The following C10orf88 variants were observed in gnomAD, a reference collection of about 807,000 sequenced individuals.
The protein encoded by C10orf88 is chromosome 10 open reading frame 88.
C10orf88 carries 29 observed loss-of-function variants against 34.2 expected under a neutral mutation model. The observed-to-expected ratio is 0.85, with a 90% CI of 0.63 to 1.16. The LOEUF (loss-of-function observed/expected upper bound fraction) is 1.16. Ranked by LOEUF, C10orf88 falls within the 50% of genes most tolerant of loss-of-function variation. C10orf88 has a pLI of 0.00. For synonymous variants in C10orf88, 194 were observed against 197.4 expected, an observed-to-expected ratio of 0.98 and a Z score of 0.15; for missense variants, 507 against 533.2, an observed-to-expected ratio of 0.95 and a Z score of 0.48.
intron 4 of C10orf88, among the ~76,000 whole-genome samples, chr10:122,939,794 C>T (rs973643269): frequency 4.6e-5 from 7 of 151,852 alleles, no homozygotes; most frequent in Non-Finnish European, 1.0e-4. Flanking sequence ...ATTTACACTA[C>T]AGTCAATGTC....
chr10:122,939,459 G>A (rs1848564743), intron 4 of C10orf88, among the ~76,000 whole-genome samples: 1 of 151,830 alleles, frequency 6.6e-6, no homozygotes, highest in Admixed American at 6.6e-5. Context: ...ATAAGGGCCA[G>A]GGAAGCTGGG....
intron 5 of C10orf88, among the ~76,000 whole-genome samples, chr10:122,935,460 T>C (rs1415406062): frequency 1.3e-5 from 2 of 152,060 alleles, no homozygotes; most frequent in Admixed American, 1.3e-4. Context: ...GGTGTACTTG[T>C]GCAGAGTTAT....
In C10orf88 at chr10:122,932,363, T is replaced by C; in HGVS notation, c.*64A>G. 7.7e-7 allele frequency: 1 copy of C among 1,297,316 alleles called. No homozygotes were observed. Among genetic ancestry groups the C allele is most frequent in the Non-Finnish European group, 1.1e-6 (1 of 932,962 alleles). The allele number at this position is 1,297,316 out of a possible 1,614,324, so 80.4% of individuals were successfully genotyped here. On this transcript the variant is annotated 3_prime_UTR_variant, in exon 6 of 6. Coordinates refer to ENST00000481909, the MANE Select transcript of C10orf88 (RefSeq NM_024942.4). ...AAATACTTGCTTTTTATAAATATTT[T>C]TGGGTTTTGGCTTTGTAATAAATAT... is the stretch of plus-strand genomic sequence containing the variant.
chr10:122,934,596 G>A, intron 5 of C10orf88, among the ~76,000 whole-genome samples: 1 of 152,094 alleles, frequency 6.6e-6, no homozygotes, highest in Non-Finnish European at 1.5e-5. Flanking sequence ...GGACTTCTGG[G>A]ATATTACAAA....
At chr10:122,951,811 C>G (rs1040666852) in intron 3 of C10orf88, 143 bp downstream of exon 3, 2 of 551,512 alleles carry the variant, frequency 3.6e-6, no homozygotes, top group Admixed American at 3.8e-5. Flanking sequence ...GCCTGGGCAA[C>G]AGAGCAAGAT....
At chr10:122,939,012 G>C (rs751497242) in intron 4 of C10orf88, among the ~76,000 whole-genome samples, 1 of 151,978 alleles carries the variant, frequency 6.6e-6, no homozygotes, top group Non-Finnish European at 1.5e-5. Context: ...ACTTATTGCT[G>C]TTCAACAGCT....
intron 4 of C10orf88, among the ~76,000 whole-genome samples, chr10:122,942,196 G>C (rs948503924): frequency 6.6e-6 from 1 of 152,020 alleles, no homozygotes; most frequent in Non-Finnish European, 1.5e-5. Context: ...ACAAACAATT[G>C]CTTCCTTTTT....
rs1848483813 is a variant in C10orf88, at chr10:122,931,424, T to G, written c.*1003A>C. 6.6e-6 allele frequency: 1 copy of G among 152,282 alleles called. No homozygotes were observed. Among genetic ancestry groups the G allele is most frequent in the African/African-American group, 2.4e-5 (1 of 41,546 alleles). 9.4% of individuals were successfully genotyped at this position (152,282 alleles called of 1,614,324 possible). ...AATTTGCCAAAATATTAAATGAGTA[T>G]GAGATACCCTTTTTCTAAAAAATAA... On this transcript the variant is annotated 3_prime_UTR_variant, in exon 6 of 6. Transcript: ENST00000481909.
At chr10:122,938,507 C>G (rs1441060212) in intron 4 of C10orf88, among the ~76,000 whole-genome samples, 1 of 152,002 alleles carries the variant, frequency 6.6e-6, no homozygotes, top group African/African-American at 2.4e-5. Context: ...CTACAAATGT[C>G]TCTTTATGAT....
In C10orf88 at chr10:122,954,154, C is replaced by A. The variant is rs1488712715; in HGVS notation, c.25G>T (p.Gly9Cys). The change falls in exon 1 of 6, where the codon GGC (glycine) becomes TGC (cysteine). Residue 9 changes from glycine (G) to cysteine (C), a missense_variant. Gly to Cys is a radical substitution (Grantham distance 159). Transcript: ENST00000481909. ...GCCAGCGTGGGGCGGCGGGTGAGGC[C>A]CCCGTCCTCGGTCCGCGTCTCCATT... Reference protein sequence around the residue: METRTEDGGLTRRPTLASS... With the variant: METRTEDGCLTRRPTLASS... 2 of 1,579,692 alleles carry A rather than the reference C, an allele frequency of 1.3e-6. No homozygotes were observed. Among genetic ancestry groups the A allele is most frequent in the African/African-American group, 2.7e-5 (2 of 72,916 alleles).
At chr10:122,948,553 T>C (rs1848660570) in intron 4 of C10orf88, 96 bp downstream of exon 4, 2 of 1,136,918 alleles carry the variant, frequency 1.8e-6, no homozygotes, top group Non-Finnish European at 2.5e-6. Context: ...GTTAAATCAG[T>C]ATGAAAGAAA....
intron 4 of C10orf88, among the ~76,000 whole-genome samples, chr10:122,945,933 C>T (rs187633884): frequency 6.6e-6 from 1 of 151,956 alleles, no homozygotes; most frequent in African/African-American, 2.4e-5. Flanking sequence ...ACCGTATCTA[C>T]TAAAAATAAA....
At chr10:122,941,036 A>T (rs1848576112) in intron 4 of C10orf88, among the ~76,000 whole-genome samples, 1 of 152,114 alleles carries the variant, frequency 6.6e-6, no homozygotes, top group East Asian at 1.9e-4. Flanking sequence ...TGAATTTCCT[A>T]TACCTTTTTG....
In C10orf88 at chr10:122,952,855, C is replaced by T; in HGVS notation, c.342G>A (p.Lys114=). 6.2e-7 allele frequency: 1 copy of T among 1,614,090 alleles called. No homozygotes were observed. Among genetic ancestry groups the T allele is most frequent in the South Asian group, 1.1e-5 (1 of 91,074 alleles). ...TGTCATCCAGGACAGTACAAACATTCTTGCCCCTACTGGTTCCACAGTACT... is the reference window on the plus strand; with the variant it reads ...TGTCATCCAGGACAGTACAAACATTTTTGCCCCTACTGGTTCCACAGTACT... ...GEEYCGTSRG[K]NVCTVLDDSE... The change falls in exon 2 of 6, where the codon AAG becomes AAA. Residue 114 remains lysine (K), a synonymous_variant. Coordinates refer to ENST00000481909, the MANE Select transcript of C10orf88 (RefSeq NM_024942.4).
At chr10:122,949,778 A>G (rs1848673592) in intron 3 of C10orf88, among the ~76,000 whole-genome samples, 1 of 152,230 alleles carries the variant, frequency 6.6e-6, no homozygotes, top group East Asian at 1.9e-4. Context: ...ACAACTTGCT[A>G]CTTAACACAA....
At chr10:122,938,789 CA>C (rs1848557714) in intron 4 of C10orf88, among the ~76,000 whole-genome samples, 1 of 151,950 alleles carries the variant, frequency 6.6e-6, no homozygotes, top group Non-Finnish European at 1.5e-5. Context: ...AGTTGTTTTG[CA>C]GCCTCAATTC....
chr10:122,948,563 A>G, intron 4 of C10orf88, 86 bp downstream of exon 4: 1 of 1,306,742 alleles, frequency 7.7e-7, no homozygotes. Context: ...TATGAAAGAA[A>G]AATTTTAAGT....
At chr10:122,944,633 G>A (rs6599638) in intron 4 of C10orf88, among the ~76,000 whole-genome samples, 69,055 of 151,870 alleles carry the variant, frequency 0.45, 16,070 homozygotes, top group East Asian at 0.52. Context: ...GGATTGAGTA[G>A]ATAGTGAGGG....
At chr10:122,944,188 T>C (rs995345524) in intron 4 of C10orf88, among the ~76,000 whole-genome samples, 1 of 151,866 alleles carries the variant, frequency 6.6e-6, no homozygotes, top group Non-Finnish European at 1.5e-5. Flanking sequence ...TGGAATACTA[T>C]GCAGCCATAA....
Sources: gnomAD v4.1 joint callset for allele counts (sites outside exome capture counted in the v4.1 genomes callset) on GRCh38, gnomAD v4.1.1 for gene constraint, MANE v1.5 for transcripts, NCBI Gene and HGNC (gene_info 2026-07-23, HGNC 2026-07-21) for gene names.